Variants in PPP2R5D observed in about 807,000 individuals in gnomAD.
The protein encoded by PPP2R5D is protein phosphatase 2 regulatory subunit B'delta.
In PPP2R5D, 12 loss-of-function variants were observed where a neutral mutation model predicts 79.1. The observed-to-expected ratio is 0.15, with a 90% CI of 0.10 to 0.25. PPP2R5D has a LOEUF of 0.25. Among genes scored for constraint, PPP2R5D ranks in the 10% least tolerant of loss-of-function variants. PPP2R5D has a pLI of 1.00. For synonymous variants in PPP2R5D, 277 were observed against 286.6 expected, an observed-to-expected ratio of 0.97 and a Z score of 0.34; for missense variants, 419 against 760.2, an observed-to-expected ratio of 0.55 and a Z score of 5.28.
At chr6:42,987,435 A>C (rs1459664724) in intron 1 of PPP2R5D, among the ~76,000 whole-genome samples, 1 of 152,032 alleles carries the variant, frequency 6.6e-6, no homozygotes, top group Non-Finnish European at 1.5e-5. Context: ...TAGTAATAAC[A>C]TTGACCAGCA....
At chr6:42,991,648 G>C (rs992418425) in intron 2 of PPP2R5D, among the ~76,000 whole-genome samples, 1 of 152,178 alleles carries the variant, frequency 6.6e-6, no homozygotes, top group African/African-American at 2.4e-5. Context: ...CCCAGCATTT[G>C]AATGTATTAG....
At chr6:42,989,296 A>C (rs1000188261) in intron 1 of PPP2R5D, among the ~76,000 whole-genome samples, 10 of 151,934 alleles carry the variant, frequency 6.6e-5, no homozygotes, top group African/African-American at 2.4e-4. Flanking sequence ...AAGCCTCCTC[A>C]CCCTGGTTCT....
chr6:42,988,709 A>T (rs1390391756), intron 1 of PPP2R5D, among the ~76,000 whole-genome samples: 1 of 152,186 alleles, frequency 6.6e-6, no homozygotes, highest in African/African-American at 2.4e-5. Context: ...CCTGATGCTC[A>T]TGACTGAACC....
rs889250251 is a variant in PPP2R5D, at chr6:42,995,126, C to CTTTTTTTTTTTTTTTTTTTTTTTTTTTT, written c.105+5459_105+5460insTTTTTTTTTTTTTTTTTTTTTTTTTTTT. Reference sequence around the variant, plus strand: ...TTGTGTCCCACCGAACTTTTTCTTTCTTTTTTTTTTTTTTTTTTTTTGGAG... The same window carrying CTTTTTTTTTTTTTTTTTTTTTTTTTTTT: ...TTGTGTCCCACCGAACTTTTTCTTTCTTTTTTTTTTTTTTTTTTTTTTTTTTTTTTTTTTTTTTTTTTTTTTTTTGGAG... On this transcript the variant is annotated intron_variant, in intron 2 of 15. Transcript: ENST00000485511. Among the ~76,000 whole-genome samples the CTTTTTTTTTTTTTTTTTTTTTTTTTTTT allele has an allele frequency of 1.8e-4, 19 of 106,364 alleles. 2 individuals are homozygous for CTTTTTTTTTTTTTTTTTTTTTTTTTTTT. Among genetic ancestry groups the CTTTTTTTTTTTTTTTTTTTTTTTTTTTT allele is most frequent in the African/African-American group, 7.1e-4 (17 of 24,036 alleles). The allele number at this position is 106,364 out of a possible 152,430, so 69.8% of individuals were successfully genotyped here. A position where few individuals can be genotyped will look rare whatever the true frequency, so the allele number is the denominator to read the frequency against.
chr6:43,001,620 C>A (rs1489900292), intron 2 of PPP2R5D, among the ~76,000 whole-genome samples: 1 of 151,990 alleles, frequency 6.6e-6, no homozygotes, highest in Non-Finnish European at 1.5e-5. Context: ...CACGGTGGCT[C>A]ACACCTGTAA....
chr6:42,990,673 T>TTCCTCTGC (rs1271019121), intron 2 of PPP2R5D, among the ~76,000 whole-genome samples: 3 of 151,600 alleles, frequency 2.0e-5, no homozygotes, highest in Non-Finnish European at 4.4e-5. Flanking sequence ...GAATTATTCT[T>TTCCTCTGC]TCCTCTGCAC....
intron 1 of PPP2R5D, among the ~76,000 whole-genome samples, chr6:42,985,812 T>A (rs1048047871): frequency 2.0e-5 from 3 of 150,104 alleles, no homozygotes; most frequent in Admixed American, 6.6e-5. Flanking sequence ...AATTTTGCTC[T>A]TGTTGCCCAG....
At chr6:42,999,754 A>G (rs1432237731) in intron 2 of PPP2R5D, among the ~76,000 whole-genome samples, 5 of 151,314 alleles carry the variant, frequency 3.3e-5, no homozygotes, top group Admixed American at 2.0e-4. Flanking sequence ...TTTAGTAGAG[A>G]TAGGGTTTTG....
chr6:42,988,625 C>G (rs536763598), intron 1 of PPP2R5D, among the ~76,000 whole-genome samples: 1 of 152,274 alleles, frequency 6.6e-6, no homozygotes, highest in African/African-American at 2.4e-5. Flanking sequence ...TTGGGACATG[C>G]CTTTGAATCC....
Position 43,010,403 on chromosome 6 carries a change from A to G in PPP2R5D, c.1380-65A>G, listed in dbSNP as rs1292192095. The G allele has an allele frequency of 7.5e-7, 1 of 1,332,652 alleles. No individual in the cohort carries two copies. The highest frequency in any genetic ancestry group is 1.1e-6 in the Non-Finnish European group (1 of 927,112). 82.6% of individuals were successfully genotyped at this position (1,332,652 alleles called of 1,614,324 possible). ...CAGAGATACCCCTGTGAGAGAACAA[A>G]TTGGGTTCCTCACGCTAAGGGCAGG... On this transcript the variant is annotated intron_variant, in intron 12 of 15. Transcript: ENST00000485511. This position sits in a 1 kb window ranked among gnomAD's most constrained non-coding sequence, Gnocchi z 4.7.
chr6:43,001,945 A>T (rs1417877534), intron 2 of PPP2R5D, among the ~76,000 whole-genome samples: 2 of 152,006 alleles, frequency 1.3e-5, no homozygotes, highest in South Asian at 4.2e-4. Context: ...CAAAAAAAAA[A>T]AAAATGCTTC....
At chr6:43,001,876 ACT>A (rs1165239911) in intron 2 of PPP2R5D, among the ~76,000 whole-genome samples, 7 of 144,836 alleles carry the variant, frequency 4.8e-5, no homozygotes, top group Non-Finnish European at 7.5e-5. Flanking sequence ...ACAGAGCCAG[ACT>A]CTGTCTCAAA....
Position 43,009,591 on chromosome 6 carries a change from G to A in PPP2R5D, c.1379+142G>A. 2.5e-6 allele frequency: 3 copies of A among 1,224,384 alleles called. No individual in the cohort carries two copies. Among genetic ancestry groups the A allele is most frequent in the Non-Finnish European group, 3.4e-6 (3 of 877,710 alleles). The allele number at this position is 1,224,384 out of a possible 1,614,324, so 75.8% of individuals were successfully genotyped here. ...CCCTGCATGTTGATAGGACCTTGAG[G>A]GGCTGACTGGAGCGAAAAGATGCCT... On this transcript the variant is annotated intron_variant, in intron 12 of 15. Coordinates refer to ENST00000485511, the MANE Select transcript of PPP2R5D (RefSeq NM_006245.4). This position sits in a 1 kb window ranked among gnomAD's most constrained non-coding sequence, Gnocchi z 5.6.
intron 1 of PPP2R5D, among the ~76,000 whole-genome samples, chr6:42,987,612 C>G (rs767581578): frequency 6.6e-5 from 10 of 152,134 alleles, no homozygotes; most frequent in Non-Finnish European, 1.3e-4. Context: ...CAAACATGTT[C>G]TTTTAACCTC....
chr6:43,010,909 T>C lies in PPP2R5D; in HGVS notation c.1583T>C (p.Leu528Pro), dbSNP rs767659728. 56 of 1,613,962 alleles carry C rather than the reference T, an allele frequency of 3.5e-5. No individual in the cohort carries two copies. Among genetic ancestry groups the C allele is most frequent in the Non-Finnish European group, 4.7e-5 (55 of 1,180,008 alleles). Reference sequence around the variant, plus strand: ...CCCATGTTCCGAGCCCCTCCACCACTGCCCCCTGTGTACTCGATGGAGACA... The same window carrying C: ...CCCATGTTCCGAGCCCCTCCACCACCGCCCCCTGTGTACTCGATGGAGACA... ...QYPMFRAPPP[L>P]PPVYSMETET... is the part of the protein sequence containing the mutation. The change falls in exon 15 of 16, where the codon CTG (leucine) becomes CCG (proline). Residue 528 changes from leucine to proline, a missense_variant. Around this residue, in one of 5 missense-constraint regions of PPP2R5D, gnomAD observed 84 missense variants for 105.4 expected, o/e 0.80. Coordinates refer to ENST00000485511, the MANE Select transcript of PPP2R5D (RefSeq NM_006245.4). The surrounding 1 kb of genome is among the most constrained non-coding windows in gnomAD (Gnocchi z 4.7).
intron 1 of PPP2R5D, among the ~76,000 whole-genome samples, chr6:42,988,832 C>T (rs1053807444): frequency 1.3e-5 from 2 of 152,216 alleles, no homozygotes; most frequent in Non-Finnish European, 2.9e-5. Context: ...GCAGTCAGAC[C>T]TAAATCCCCA....
chr6:43,007,870 C>T lies in PPP2R5D; in HGVS notation c.727-65C>T, dbSNP rs200599535. On this transcript the variant is annotated intron_variant, in intron 6 of 15. Coordinates refer to ENST00000485511, the MANE Select transcript of PPP2R5D (RefSeq NM_006245.4). This position sits in a 1 kb window ranked among gnomAD's most constrained non-coding sequence, Gnocchi z 4.5. ...GCATTTCCCCTGGCGGGACCTATGTCACCCTGGCCACTGCCTTCCCTGGCT... is the reference window on the plus strand; with the variant it reads ...GCATTTCCCCTGGCGGGACCTATGTTACCCTGGCCACTGCCTTCCCTGGCT... The T allele has an allele frequency of 1.4e-3, 2,170 of 1,599,978 alleles. 4 individuals carry two copies. Among genetic ancestry groups the T allele is most frequent in the Non-Finnish European group, 1.6e-3 (1,891 of 1,169,286 alleles).
At chr6:42,985,918 C>A (rs1455481133) in intron 1 of PPP2R5D, among the ~76,000 whole-genome samples, 1 of 152,024 alleles carries the variant, frequency 6.6e-6, no homozygotes, top group Non-Finnish European at 1.5e-5. Flanking sequence ...GCTGGAATTA[C>A]AGGCATGCGC....
intron 2 of PPP2R5D, among the ~76,000 whole-genome samples, chr6:42,993,337 G>T (rs1346122047): frequency 6.6e-6 from 1 of 151,956 alleles, no homozygotes; most frequent in Non-Finnish European, 1.5e-5. Context: ...GGGCGTAGTG[G>T]TGGCGCACCT....
Sources: allele counts gnomAD v4.1 joint callset (sites outside exome capture counted in the v4.1 genomes callset), GRCh38; gene constraint gnomAD v4.1.1; regional missense constraint gnomAD v4.1.1; non-coding constraint Gnocchi (gnomAD v3.1); transcripts MANE v1.5; gene names NCBI Gene and HGNC (gene_info 2026-07-23, HGNC 2026-07-21).